The following C16orf96 variants were observed in gnomAD, a reference collection of about 807,000 sequenced individuals.
C16orf96 encodes the protein chromosome 16 open reading frame 96.
In C16orf96, 108 loss-of-function variants were observed where a neutral mutation model predicts 103.6. The ratio of observed to expected loss-of-function variants is 1.04; its 90% CI spans 0.89 to 1.22. The LOEUF (loss-of-function observed/expected upper bound fraction) is 1.22. Ranked by LOEUF, C16orf96 falls within the 50% of genes most tolerant of loss-of-function variation. The probability of loss-of-function intolerance (pLI) is 0.00; values close to 1 mark genes in which losing one functional copy is unlikely to be tolerated. For missense variants in C16orf96, 1,586 were observed against 1,464.2 expected (o/e 1.08, Z -1.36); for synonymous variants, 566 against 593.5 (o/e 0.95, Z 0.67).
At chr16:4,580,319 C>CCCA (rs371005389) in intron 7 of C16orf96, among the ~76,000 whole-genome samples, 194 bp downstream of exon 7, 2 of 134,486 alleles carry the variant, frequency 1.5e-5, no homozygotes, top group Non-Finnish European at 3.2e-5. Flanking sequence ...CACCCCCCCC[C>CCCA]ACCCATATAA....
At position 4,600,537 on chromosome 16, in the gene C16orf96, C is replaced by T; in HGVS notation, c.*220C>T. ...CCCCTCCACGTCCGAGGCTGAGACCCATATGCCCCCCCCACCCCCACCAAG... is the reference window on the plus strand; with the variant it reads ...CCCCTCCACGTCCGAGGCTGAGACCTATATGCCCCCCCCACCCCCACCAAG... On this transcript the variant is annotated 3_prime_UTR_variant, in exon 16 of 16. Transcript: ENST00000444310. 2.1e-6 allele frequency: 1 copy of T among 473,344 alleles called. No individual in the cohort carries two copies. 29.3% of individuals were successfully genotyped at this position (473,344 alleles called of 1,614,324 possible).
chr16:4,579,691 A>G (rs2059559746), intron 6 of C16orf96, among the ~76,000 whole-genome samples: 1 of 151,060 alleles, frequency 6.6e-6, no homozygotes, highest in African/African-American at 2.4e-5. Context: ...AGCTCGCTGC[A>G]ACCTCTGCCT....
At chr16:4,597,972 A>C (rs1897208343) in intron 14 of C16orf96, among the ~76,000 whole-genome samples, 1 of 152,228 alleles carries the variant, frequency 6.6e-6, no homozygotes, top group African/African-American at 2.4e-5. Context: ...CTGTATTAGA[A>C]ATCAATTGGA....
At chr16:4,552,780 C>G (rs573809357), upstream of C16orf96, among the ~76,000 whole-genome samples, 3 of 152,294 alleles carry the variant, frequency 2.0e-5, no homozygotes, top group Admixed American at 2.0e-4. Flanking sequence ...TCTGCTCTGT[C>G]AGAGCAGATG....
chr16:4,592,683 C>G (rs1897086742), intron 11 of C16orf96, among the ~76,000 whole-genome samples: 1 of 152,202 alleles, frequency 6.6e-6, no homozygotes, highest in South Asian at 2.1e-4. Flanking sequence ...TCCACATACA[C>G]TGTTCTACAG....
chr16:4,588,395 C>T, intron 9 of C16orf96, 64 bp downstream of exon 9: 1 of 1,484,278 alleles, frequency 6.7e-7, no homozygotes, highest in Non-Finnish European at 9.1e-7. Flanking sequence ...TTAGCAACTG[C>T]AAACAACAAA....
upstream of C16orf96, among the ~76,000 whole-genome samples, chr16:4,551,974 C>G (rs2059230677): frequency 6.6e-6 from 1 of 152,048 alleles, no homozygotes; most frequent in Non-Finnish European, 1.5e-5. Flanking sequence ...CATGTGTTCT[C>G]ATTGTTCACC....
chr16:4,591,859 G>T, intron 10 of C16orf96, 75 bp downstream of exon 10: 4 of 1,181,190 alleles, frequency 3.4e-6, no homozygotes, highest in Non-Finnish European at 4.9e-6. Context: ...TGGAAGCTCT[G>T]GGAGGAAAGA....
At chr16:4,595,081 G>A (rs969833848) in intron 14 of C16orf96, among the ~76,000 whole-genome samples, 1 of 152,342 alleles carries the variant, frequency 6.6e-6, no homozygotes, top group Non-Finnish European at 1.5e-5. Flanking sequence ...GACGAAGGAC[G>A]ATGAGCTAGG....
intron 1 of C16orf96, among the ~76,000 whole-genome samples, chr16:4,558,167 T>G (rs2059286784): frequency 2.0e-5 from 3 of 152,172 alleles, no homozygotes; most frequent in Admixed American, 1.3e-4. Context: ...TCAGAGGAGC[T>G]CAGTGATTGG....
chr16:4,581,582 G>A (rs763155528), intron 7 of C16orf96, among the ~76,000 whole-genome samples: 7 of 151,760 alleles, frequency 4.6e-5, no homozygotes, highest in Non-Finnish European at 1.0e-4. Context: ...GCAGTAAGCC[G>A]AGATCCCACC....
At chr16:4,577,920 C>T (rs1471127581) in intron 5 of C16orf96, among the ~76,000 whole-genome samples, 2 of 152,100 alleles carry the variant, frequency 1.3e-5, no homozygotes, top group South Asian at 2.1e-4. Context: ...TTGTGCCACT[C>T]CCGCCTGGGC....
intron 7 of C16orf96, among the ~76,000 whole-genome samples, chr16:4,584,344 T>A (rs1896863481): frequency 6.8e-6 from 1 of 148,050 alleles, no homozygotes. Flanking sequence ...TGTGCCACCA[T>A]GCCTGGCTAA....
chr16:4,564,777 C>G (rs928869052), intron 1 of C16orf96, among the ~76,000 whole-genome samples: 3 of 152,204 alleles, frequency 2.0e-5, no homozygotes, highest in African/African-American at 7.2e-5. Flanking sequence ...CGCCGCTGCA[C>G]TCCAGCCTGA....
the C16orf96 span, among the ~76,000 whole-genome samples, chr16:4,542,691 G>A: frequency 1.1e-4 from 17 of 151,614 alleles, no homozygotes; most frequent in Admixed American, 1.1e-3. Flanking sequence ...CCAGCTACTC[G>A]GGAGGCTGAG....
At position 4,571,560 on chromosome 16, in the gene C16orf96, G is replaced by C; in HGVS notation, c.421-1G>C. The stretch of plus-strand genomic sequence containing the variant: ...TCACATTTTCTCCTCCTCTTTTGCA[G>C]TCAATGCAGACCCTGCAGGACTTGC... On this transcript the variant is annotated splice_acceptor_variant, in intron 1 of 15. Transcript: ENST00000444310. LOFTEE classifies it high-confidence loss of function. The C allele has an allele frequency of 6.4e-7, 1 of 1,551,712 alleles. No homozygotes were observed. The highest frequency in any genetic ancestry group is 1.4e-5 in the African/African-American group (1 of 73,176).
Position 4,600,274 on chromosome 16 carries a change from C to A in C16orf96, c.3383C>A (p.Ser1128Tyr). The change falls in exon 16 of 16, where the codon TCC (serine) becomes TAC (tyrosine). Residue 1128 changes from serine (S) to tyrosine (Y), a missense_variant. Coordinates refer to ENST00000444310, the MANE Select transcript of C16orf96 (RefSeq NM_001145011.2). ...CTCTCAAGAGCTCCACACATTGAGT[C>A]CCGAGTCGGCAGGAAGCCCCCCGAG... is the stretch of plus-strand genomic sequence containing the variant. ...TRLSRAPHIESRVGRKPPEEP... is the reference protein window; with the variant it reads ...TRLSRAPHIEYRVGRKPPEEP... The A allele has an allele frequency of 1.3e-6, 2 of 1,551,312 alleles. No homozygotes were observed. The highest frequency in any genetic ancestry group is 2.4e-5 in the East Asian group (1 of 40,916).
intron 1 of C16orf96, among the ~76,000 whole-genome samples, chr16:4,568,003 G>GT (rs1297876169): frequency 6.6e-6 from 1 of 151,808 alleles, no homozygotes; most frequent in Non-Finnish European, 1.5e-5. Context: ...GCCTGTTTTT[G>GT]TTTTTTGTTT....
At chr16:4,539,703 A>C in the C16orf96 span, among the ~76,000 whole-genome samples, 3 of 152,156 alleles carry the variant, frequency 2.0e-5, no homozygotes. Flanking sequence ...AAAGAAAGAA[A>C]GAAATTACGG....
Sources: allele counts gnomAD v4.1 joint callset (sites outside exome capture counted in the v4.1 genomes callset), GRCh38; gene constraint gnomAD v4.1.1; transcripts MANE v1.5; gene names NCBI Gene and HGNC (gene_info 2026-07-23, HGNC 2026-07-21).